The following NXN variants were observed in gnomAD, a reference collection of about 807,000 sequenced individuals.
NXN encodes nucleoredoxin, also known as nucleoredoxin 1.
Under a neutral mutation model 48.6 loss-of-function variants are expected in NXN, and 16 were observed. The observed-to-expected ratio is 0.33, with a 90% CI of 0.22 to 0.50. NXN has a LOEUF of 0.50. Among genes scored for constraint, NXN ranks in the 20% least tolerant of loss-of-function variants. The pLI is 0.98. For synonymous variants in NXN, 281 were observed against 269.6 expected, an observed-to-expected ratio of 1.04 and a Z score of -0.41; for missense variants, 492 against 605.5, an observed-to-expected ratio of 0.81 and a Z score of 1.97.
At chr17:904,756 C>T (rs1036204790) in intron 1 of NXN, among the ~76,000 whole-genome samples, 12 of 152,174 alleles carry the variant, frequency 7.9e-5, no homozygotes, top group African/African-American at 2.9e-4. Flanking sequence ...CTTGGCCAGG[C>T]TGGTCTCGAT....
chr17:902,120 C>T (rs2068542997), intron 1 of NXN, among the ~76,000 whole-genome samples: 1 of 152,148 alleles, frequency 6.6e-6, no homozygotes, highest in Admixed American at 6.6e-5. Flanking sequence ...GGTGTTTGTC[C>T]CAGCTAGTGA....
At chr17:933,026 G>A (rs1460529801) in intron 1 of NXN, among the ~76,000 whole-genome samples, 6 of 152,122 alleles carry the variant, frequency 3.9e-5, no homozygotes, top group South Asian at 2.1e-4. Context: ...ATCAAAGGCT[G>A]TGGCCCGAAG....
At chr17:886,492 C>A (rs757540702) in intron 1 of NXN, among the ~76,000 whole-genome samples, 28 of 152,162 alleles carry the variant, frequency 1.8e-4, no homozygotes, top group Non-Finnish European at 3.2e-4. Context: ...GAACCAACAC[C>A]GTTGGCCGGC....
chr17:856,176 A>T (rs1051660093), intron 1 of NXN, among the ~76,000 whole-genome samples: 60 of 151,848 alleles, frequency 4.0e-4, no homozygotes, highest in Non-Finnish European at 6.8e-4. Flanking sequence ...CTGGCAACAA[A>T]GTGAGACTCC....
chr17:823,868 C>G, intron 2 of NXN, 103 bp from the exon 3 acceptor site: 1 of 1,186,338 alleles, frequency 8.4e-7, no homozygotes, highest in Non-Finnish European at 1.2e-6. Flanking sequence ...TGACCTGGGA[C>G]CCGGGAGACC....
chr17:910,536 T>C (rs1222349193), intron 1 of NXN, among the ~76,000 whole-genome samples: 1 of 152,184 alleles, frequency 6.6e-6, no homozygotes, highest in Non-Finnish European at 1.5e-5. Flanking sequence ...TTTTTATTTG[T>C]TTTTTAGAAG....
intron 5 of NXN, among the ~76,000 whole-genome samples, chr17:808,590 C>T (rs1230503172): frequency 6.6e-6 from 1 of 151,954 alleles, no homozygotes; most frequent in African/African-American, 2.4e-5. Flanking sequence ...CCACCATGCC[C>T]GGCCAGTGTA....
Position 806,137 on chromosome 17 carries a change from T to A in NXN, c.821-890A>T, listed in dbSNP as rs1235111556. ...GCCCCCGCCGTCTGCACCCCAGCCC[T>A]CCCCGCTCCCCAGGGCTGCAGCCCC... is the stretch of plus-strand genomic sequence containing the variant. On this transcript the variant is annotated intron_variant, in intron 5 of 7. Coordinates refer to ENST00000336868, the MANE Select transcript of NXN (RefSeq NM_022463.5). Among the ~76,000 whole-genome samples the A allele has an allele frequency of 6.6e-3, 533 of 80,244 alleles. 1 individual carries two copies. The highest frequency in any genetic ancestry group is 0.022 in the African/African-American group (489 of 22,678). 52.6% of individuals were successfully genotyped at this position (80,244 alleles called of 152,430 possible). A position where few individuals can be genotyped will look rare whatever the true frequency, so the allele number is the denominator to read the frequency against.
chr17:951,794 G>A (rs1030059067), intron 1 of NXN, among the ~76,000 whole-genome samples: 3 of 152,192 alleles, frequency 2.0e-5, no homozygotes, highest in African/African-American at 7.2e-5. Flanking sequence ...CTGGGGTCCC[G>A]TGGGTATTTC....
chr17:803,942 T>C, intron 6 of NXN, 136 bp from the exon 7 acceptor site: 4 of 1,113,644 alleles, frequency 3.6e-6, no homozygotes, highest in Non-Finnish European at 5.2e-6. Flanking sequence ...AACTTCCCCT[T>C]GGATGCAGGT....
chr17:837,964 C>G (rs551509212), intron 1 of NXN, among the ~76,000 whole-genome samples: 94 of 152,248 alleles, frequency 6.2e-4, no homozygotes, highest in African/African-American at 2.2e-3. Flanking sequence ...CACTCTGATT[C>G]CTGCAGACAA....
chr17:895,019 TTTTTTTTTTTTTTTTG>T, intron 1 of NXN, among the ~76,000 whole-genome samples: 1 of 64,268 alleles, frequency 1.6e-5, no homozygotes, highest in African/African-American at 4.1e-5. Flanking sequence ...TTTTTTTTTT[TTTTTTTTTTTTTTTTG>T]AGACTAAATC....
intron 1 of NXN, among the ~76,000 whole-genome samples, chr17:890,089 T>G (rs1439506367): frequency 6.6e-6 from 1 of 152,054 alleles, no homozygotes; most frequent in Non-Finnish European, 1.5e-5. Context: ...AGGATCTTAA[T>G]TAAACAGTAT....
chr17:872,813 T>A lies in NXN; in HGVS notation c.361-46735A>T, dbSNP rs559743207. On this transcript the variant is annotated intron_variant, in intron 1 of 7. Transcript: ENST00000336868. ...TTTTTGTATTTTTAGTAGAGACGGG[T>A]TTTTGCCATGTTGGCCAGGCTGGTC... Among the ~76,000 whole-genome samples, 622 of 151,608 alleles carry A rather than the reference T, an allele frequency of 4.1e-3. 3 individuals carry two copies. The highest frequency in any genetic ancestry group is 0.013 in the African/African-American group (517 of 41,310).
chr17:947,578 C>T (rs2069057646), intron 1 of NXN, among the ~76,000 whole-genome samples: 1 of 151,794 alleles, frequency 6.6e-6, no homozygotes, highest in East Asian at 1.9e-4. Flanking sequence ...ACTAAAAATA[C>T]AAAAATTAGC....
At chr17:977,341 A>G (rs1410461770) in intron 1 of NXN, among the ~76,000 whole-genome samples, 1 of 152,168 alleles carries the variant, frequency 6.6e-6, no homozygotes, top group Non-Finnish European at 1.5e-5. Flanking sequence ...TCTCAACGGT[A>G]TTTTCAAATG....
At chr17:802,108 A>G (rs1035954624) in intron 7 of NXN, among the ~76,000 whole-genome samples, 10 of 152,186 alleles carry the variant, frequency 6.6e-5, no homozygotes, top group African/African-American at 2.2e-4. Context: ...ACAAGGAGAA[A>G]GGATTTGTAA....
intron 1 of NXN, among the ~76,000 whole-genome samples, chr17:964,121 A>G (rs1167195401): frequency 1.3e-5 from 2 of 152,218 alleles, no homozygotes; most frequent in Admixed American, 6.5e-5. Flanking sequence ...CAGATGGAAA[A>G]CAGTGAACAC....
chr17:887,553 T>C (rs1157757885), intron 1 of NXN, among the ~76,000 whole-genome samples: 3 of 152,070 alleles, frequency 2.0e-5, no homozygotes, highest in Non-Finnish European at 4.4e-5. Flanking sequence ...TCCTCCCAAG[T>C]GAAGAGGCCG....
Sources: gnomAD v4.1 joint callset for allele counts (sites outside exome capture counted in the v4.1 genomes callset) on GRCh38, gnomAD v4.1.1 for gene constraint, MANE v1.5 for transcripts, NCBI Gene and HGNC (gene_info 2026-07-23, HGNC 2026-07-21) for gene names.